Variants in HHAT observed in about 807,000 individuals in gnomAD.
HHAT encodes hedgehog acyltransferase, also known as protein-cysteine N-palmitoyltransferase HHAT.
Under a neutral mutation model 70.8 loss-of-function variants are expected in HHAT, and 47 were observed. That is an observed-to-expected ratio of 0.66 (90% CI 0.53 to 0.85). The LOEUF (loss-of-function observed/expected upper bound fraction) is 0.85. HHAT is among the 40% of genes least tolerant of loss of function. The pLI is 0.00. For synonymous variants in HHAT, 228 were observed against 247.6 expected (o/e 0.92, Z 0.74); for missense variants, 609 against 604.8 (o/e 1.01, Z -0.07).
chr1:210,577,258 T>G (rs1658016263), intron 9 of HHAT, among the ~76,000 whole-genome samples: 1 of 152,236 alleles, frequency 6.6e-6, no homozygotes, highest in South Asian at 2.1e-4. Context: ...CTTGCTTGTT[T>G]CTGATCTTAG....
At chr1:210,640,132 A>G (rs1013385541) in intron 11 of HHAT, among the ~76,000 whole-genome samples, 1 of 152,182 alleles carries the variant, frequency 6.6e-6, no homozygotes, top group Admixed American at 6.5e-5. Flanking sequence ...AGAAGCCATT[A>G]CTATTCTGTG....
intron 7 of HHAT, among the ~76,000 whole-genome samples, chr1:210,434,486 G>T (rs887960775): frequency 1.3e-5 from 2 of 151,796 alleles, no homozygotes; most frequent in African/African-American, 4.9e-5. Context: ...GTTTAAGCAA[G>T]GAAATGTTAT....
chr1:210,481,613 G>A (rs942098270), intron 8 of HHAT, among the ~76,000 whole-genome samples: 3 of 152,280 alleles, frequency 2.0e-5, no homozygotes, highest in African/African-American at 2.4e-5. Flanking sequence ...GGGCCTTGTC[G>A]GATCTCACCC....
chr1:210,570,727 A>G (rs533323412), intron 9 of HHAT, among the ~76,000 whole-genome samples: 121 of 152,256 alleles, frequency 7.9e-4, no homozygotes, highest in African/African-American at 2.9e-3. Context: ...GAGGAGCTAT[A>G]ATAGTGTGAT....
At chr1:210,643,166 C>T (rs1673308491) in intron 11 of HHAT, among the ~76,000 whole-genome samples, 1 of 152,152 alleles carries the variant, frequency 6.6e-6, no homozygotes, top group African/African-American at 2.4e-5. Context: ...GGTCTGTTTG[C>T]CTCTTGCTGG....
At chr1:210,370,991 A>G (rs1397262518) in intron 3 of HHAT, among the ~76,000 whole-genome samples, 3 of 152,012 alleles carry the variant, frequency 2.0e-5, no homozygotes, top group Non-Finnish European at 4.4e-5. Flanking sequence ...AACATCTTAC[A>G]TTTTTCCTAC....
chr1:210,559,578 C>A (rs2095602961), intron 9 of HHAT, among the ~76,000 whole-genome samples: 3 of 152,200 alleles, frequency 2.0e-5, no homozygotes, highest in Admixed American at 2.0e-4. Context: ...CTGTCTGACT[C>A]CTAAACCTTC....
chr1:210,618,249 C>T (rs551073770), intron 10 of HHAT, among the ~76,000 whole-genome samples: 23 of 152,068 alleles, frequency 1.5e-4, no homozygotes, highest in Non-Finnish European at 2.8e-4. Context: ...TCACTGTGGC[C>T]GTTCTTCTCT....
At chr1:210,547,304 C>T (rs1202247865) in intron 9 of HHAT, among the ~76,000 whole-genome samples, 1 of 152,148 alleles carries the variant, frequency 6.6e-6, no homozygotes, top group African/African-American at 2.4e-5. Context: ...CCAGCCTGGG[C>T]AACAAGAGCA....
At chr1:210,538,824 C>T (rs1290813968) in intron 9 of HHAT, among the ~76,000 whole-genome samples, 3 of 152,202 alleles carry the variant, frequency 2.0e-5, no homozygotes, top group Admixed American at 2.0e-4. Flanking sequence ...TGCCTGTAAT[C>T]CCAGCACTTT....
intron 9 of HHAT, among the ~76,000 whole-genome samples, chr1:210,561,086 C>T (rs1486880490): frequency 1.3e-5 from 2 of 152,016 alleles, no homozygotes; most frequent in African/African-American, 4.8e-5. Context: ...ATCCTTTGCC[C>T]CGTTCCAGTT....
At position 210,404,438 on chromosome 1, in the gene HHAT, G is replaced by A. The variant is rs766042110; in HGVS notation, c.469-26G>A. On this transcript the variant is annotated intron_variant, in intron 5 of 11. Coordinates refer to ENST00000261458, the MANE Select transcript of HHAT (RefSeq NM_018194.6). ...CGATGTCCCTGCTGGCCACTCAAAG[G>A]TTGTTCTCTCCTTTTGATTTTGTAG... The A allele has an allele frequency of 5.1e-6, 8 of 1,576,726 alleles. No homozygotes were observed. In the African/African-American group the frequency reaches 1.1e-4, roughly 21 times the overall value.
chr1:210,616,335 T>C (rs1667728788), intron 10 of HHAT, among the ~76,000 whole-genome samples: 2 of 152,182 alleles, frequency 1.3e-5, no homozygotes, highest in African/African-American at 4.8e-5. Flanking sequence ...CCAACATCTC[T>C]CCAACACCCC....
intron 7 of HHAT, among the ~76,000 whole-genome samples, chr1:210,447,744 C>G (rs2093664155): frequency 6.6e-6 from 1 of 152,192 alleles, no homozygotes; most frequent in African/African-American, 2.4e-5. Context: ...TTCTTTCTCA[C>G]CAAGCTCTCT....
At chr1:210,589,249 A>G (rs1472080446) in intron 10 of HHAT, 1 of 152,272 alleles carries the variant, frequency 6.6e-6, no homozygotes, top group Non-Finnish European at 1.5e-5. Flanking sequence ...AGATAGCCAT[A>G]GTACAAGTGG....
intron 9 of HHAT, among the ~76,000 whole-genome samples, chr1:210,563,525 G>C (rs962553692): frequency 6.6e-6 from 1 of 152,100 alleles, no homozygotes; most frequent in African/African-American, 2.4e-5. Context: ...AGCCTCTTCA[G>C]ATCCCCTTCA....
chr1:210,387,596 G>C lies in HHAT; in HGVS notation c.273+15G>C. 1 of 1,580,110 alleles carries C rather than the reference G, an allele frequency of 6.3e-7. No homozygotes were observed. On this transcript the variant is annotated intron_variant, in intron 4 of 11. Transcript: ENST00000261458. ...TGGCAAGAAAGGTATGATTATATGT[G>C]TTGTTACCTTTTAAGTGTGTTTTTC...
intron 10 of HHAT, chr1:210,590,525 T>G (rs1272390035): frequency 9.4e-6 from 1 of 106,878 alleles, no homozygotes; most frequent in Non-Finnish European, 1.7e-5. Flanking sequence ...GGAGAGCTGA[T>G]GGTGTAAGTT....
chr1:210,527,997 C>G (rs6680553), intron 9 of HHAT, among the ~76,000 whole-genome samples: 28,083 of 152,228 alleles, frequency 0.18, 3,191 homozygotes, highest in Middle Eastern at 0.28. Flanking sequence ...TGATTTTTAG[C>G]ATCTACCATG....
Sources: allele counts gnomAD v4.1 joint callset (sites outside exome capture counted in the v4.1 genomes callset), GRCh38; gene constraint gnomAD v4.1.1; transcripts MANE v1.5; gene names NCBI Gene and HGNC (gene_info 2026-07-23, HGNC 2026-07-21).